TENM4: variants seen among roughly 807,000 people sequenced by gnomAD.
TENM4 encodes teneurin transmembrane protein 4.
TENM4 carries 82 observed loss-of-function variants against 243.3 expected under a neutral mutation model. That is an observed-to-expected ratio of 0.34 (90% CI 0.28 to 0.40). The LOEUF is 0.40. Among genes scored for constraint, TENM4 ranks in the 10% least tolerant of loss-of-function variants. TENM4 has a pLI of 1.00. For missense variants in TENM4, 3,138 were observed against 3,673.3 expected (o/e 0.85, Z 3.77); for synonymous variants, 1,412 against 1,456.3 (o/e 0.97, Z 0.69).
chr11:79,230,373 A>G (rs1000477811), intron 2 of TENM4, among the ~76,000 whole-genome samples: 3 of 152,180 alleles, frequency 2.0e-5, no homozygotes, highest in Admixed American at 1.3e-4. Context: ...CTGTCTTTCT[A>G]GACTAGACTT....
chr11:79,039,809 T>G (rs3851192), intron 6 of TENM4, among the ~76,000 whole-genome samples: 1 of 152,060 alleles, frequency 6.6e-6, no homozygotes, highest in East Asian at 1.9e-4. Flanking sequence ...ATAAAATAAA[T>G]CAACAAACAA....
chr11:79,403,159 A>T (rs1342275351), intron 1 of TENM4, among the ~76,000 whole-genome samples: 1 of 152,182 alleles, frequency 6.6e-6, no homozygotes, highest in Non-Finnish European at 1.5e-5. Context: ...TAGTGAAGGA[A>T]TTCTCCATAT....
chr11:79,394,094 G>A (rs1288680533), intron 1 of TENM4, among the ~76,000 whole-genome samples: 2 of 152,186 alleles, frequency 1.3e-5, no homozygotes, highest in African/African-American at 4.8e-5. Context: ...CTCACCTGCG[G>A]AAATGCCCAC....
At chr11:78,941,134 C>G (rs958439862) in intron 6 of TENM4, among the ~76,000 whole-genome samples, 2 of 152,202 alleles carry the variant, frequency 1.3e-5, no homozygotes, top group African/African-American at 4.8e-5. Context: ...ACTGTCAGCT[C>G]TAGCACCGGA....
chr11:79,394,085 T>C (rs948612253), intron 1 of TENM4, among the ~76,000 whole-genome samples: 2 of 152,154 alleles, frequency 1.3e-5, no homozygotes, highest in Non-Finnish European at 2.9e-5. Context: ...ATTCAACACC[T>C]CACCTGCGGA....
intron 29 of TENM4, among the ~76,000 whole-genome samples, chr11:78,684,849 G>C (rs1241565435): frequency 1.3e-5 from 2 of 152,170 alleles, no homozygotes; most frequent in South Asian, 2.1e-4. Flanking sequence ...GTTAATAAGT[G>C]CTCCAAAAAT....
chr11:79,414,711 C>A (rs1323088306), intron 1 of TENM4, among the ~76,000 whole-genome samples: 3 of 152,112 alleles, frequency 2.0e-5, no homozygotes, highest in African/African-American at 7.2e-5. Flanking sequence ...ACAGTAATTC[C>A]CAAAGCTGTC....
At chr11:78,975,598 C>CCACACA (rs148902494) in intron 6 of TENM4, among the ~76,000 whole-genome samples, 313 of 148,290 alleles carry the variant, frequency 2.1e-3, no homozygotes, top group South Asian at 4.8e-3. Flanking sequence ...ATACACACAC[C>CCACACA]CACACACACA....
intron 29 of TENM4, among the ~76,000 whole-genome samples, chr11:78,686,951 G>T (rs1858690804): frequency 6.6e-6 from 1 of 152,170 alleles, no homozygotes; most frequent in Admixed American, 6.5e-5. Flanking sequence ...TAAACTGCTT[G>T]CTAATTAATT....
chr11:79,108,706 A>C (rs1283294342), intron 4 of TENM4, among the ~76,000 whole-genome samples: 1 of 152,184 alleles, frequency 6.6e-6, no homozygotes, highest in Non-Finnish European at 1.5e-5. Context: ...TTTGTAATTG[A>C]AAAAAGATAA....
chr11:79,261,002 G>T (rs1037321443), intron 2 of TENM4, among the ~76,000 whole-genome samples: 2 of 152,214 alleles, frequency 1.3e-5, no homozygotes, highest in African/African-American at 4.8e-5. Flanking sequence ...AATTTAGAGA[G>T]ATCAGCCAAG....
chr11:78,737,205 T>C (rs1855821143), intron 20 of TENM4, among the ~76,000 whole-genome samples: 1 of 152,228 alleles, frequency 6.6e-6, no homozygotes, highest in Admixed American at 6.5e-5. Context: ...TCTGCCACTT[T>C]CATACAGCAG....
intron 2 of TENM4, among the ~76,000 whole-genome samples, chr11:79,261,470 C>A (rs1029702219): frequency 1.3e-5 from 2 of 152,162 alleles, no homozygotes; most frequent in African/African-American, 4.8e-5. Context: ...GGGGAAGCAT[C>A]CTGGTTTCTT....
At chr11:79,147,550 C>A (rs1233234125) in intron 4 of TENM4, among the ~76,000 whole-genome samples, 3 of 152,100 alleles carry the variant, frequency 2.0e-5, no homozygotes, top group Non-Finnish European at 4.4e-5. Context: ...ACTACTGTAT[C>A]CCTAATGAGT....
At chr11:79,175,725 T>G (rs1053606758) in intron 3 of TENM4, among the ~76,000 whole-genome samples, 5 of 152,204 alleles carry the variant, frequency 3.3e-5, no homozygotes, top group Admixed American at 6.5e-5. Flanking sequence ...TTCTCATATC[T>G]ATAGTTTCTA....
At chr11:79,334,266 T>C (rs1161066801) in intron 1 of TENM4, among the ~76,000 whole-genome samples, 2 of 152,056 alleles carry the variant, frequency 1.3e-5, no homozygotes, top group Non-Finnish European at 2.9e-5. Context: ...GACCTCAGAG[T>C]GGGCCCATCT....
intron 1 of TENM4, among the ~76,000 whole-genome samples, chr11:79,318,925 A>T (rs1043027810): frequency 5.3e-5 from 8 of 152,108 alleles, no homozygotes; most frequent in South Asian, 4.1e-4. Flanking sequence ...GCTGTCATGG[A>T]TGTGATTCCC....
intron 26 of TENM4, among the ~76,000 whole-genome samples, chr11:78,711,827 C>T (rs1442668263): frequency 3.3e-5 from 5 of 152,188 alleles, no homozygotes; most frequent in Non-Finnish European, 5.9e-5. Flanking sequence ...TCAGAGAGCA[C>T]CTCTTCCTCT....
At chr11:79,131,841 A>G (rs1417893902) in intron 4 of TENM4, among the ~76,000 whole-genome samples, 1 of 152,160 alleles carries the variant, frequency 6.6e-6, no homozygotes, top group Admixed American at 6.5e-5. Flanking sequence ...AGGGGTGGGA[A>G]AAGGCATTTC....
Sources: gnomAD v4.1 joint callset for allele counts (sites outside exome capture counted in the v4.1 genomes callset) on GRCh38, gnomAD v4.1.1 for gene constraint, MANE v1.5 for transcripts, NCBI Gene and HGNC (gene_info 2026-07-23, HGNC 2026-07-21) for gene names.